KBTBD12: variants seen among roughly 807,000 people sequenced by gnomAD.
The protein encoded by KBTBD12 is kelch repeat and BTB domain-containing protein 12.
Under a neutral mutation model 58.7 loss-of-function variants are expected in KBTBD12, and 53 were observed. The ratio of observed to expected loss-of-function variants is 0.90; its 90% CI spans 0.72 to 1.14. The LOEUF (loss-of-function observed/expected upper bound fraction) is 1.14, where lower values mean the gene tolerates loss of function less well. Among genes scored for constraint, KBTBD12 ranks in the 50% most tolerant of loss-of-function variants. The probability of loss-of-function intolerance (pLI) is 0.00; values close to 1 mark genes in which losing one functional copy is unlikely to be tolerated. For synonymous variants in KBTBD12, 236 were observed against 259.8 expected, an observed-to-expected ratio of 0.91 and a Z score of 0.88; for missense variants, 704 against 751.3, an observed-to-expected ratio of 0.94 and a Z score of 0.74.
Position 127,963,381 on chromosome 3 carries a change from G to C in KBTBD12, c.1685G>C (p.Gly562Ala). The C allele has an allele frequency of 6.2e-7, 1 of 1,606,438 alleles. No homozygotes were observed. The highest frequency in any genetic ancestry group is 2.2e-5 in the East Asian group (1 of 44,688). ...GKLYVCGGFH[G>A]ADRHEVISKE... ...CTCTATGTCTGCGGGGGATTCCATG[G>C]AGCAGGTATGGGTCCAGTTTTAAAC... is the stretch of plus-strand genomic sequence containing the variant. Residue 562 changes from glycine (G) to alanine (A), a missense_variant, in exon 5 of 6, where the codon GGA (glycine) becomes GCA (alanine). By Grantham distance (60) the Gly-to-Ala change is moderately conservative (BLOSUM62 0). Coordinates refer to ENST00000405109, the MANE Select transcript of KBTBD12 (RefSeq NM_207335.4).
At chr3:127,915,863 C>A (rs1397812087) in intron 1 of KBTBD12, among the ~76,000 whole-genome samples, 1 of 152,206 alleles carries the variant, frequency 6.6e-6, no homozygotes. Context: ...ATTACCTGAC[C>A]AATGTATTAT....
rs181181535 is a variant in KBTBD12 at position 127,982,455 on chromosome 3, T to G, written c.1691-1642T>G. Among the ~76,000 whole-genome samples the G allele has an allele frequency of 2.6e-3, 393 of 152,144 alleles. 3 individuals are homozygous for G. The highest frequency in any genetic ancestry group is 8.9e-3 in the African/African-American group (370 of 41,512). ...CAGGCACCAGGCAACTAGAGACCAC[T>G]CCTGTCCCCACACCCACTGAAATTA... On this transcript the variant is annotated intron_variant, in intron 5 of 5. Transcript: ENST00000405109.
intron 4 of KBTBD12, among the ~76,000 whole-genome samples, chr3:127,958,046 G>A (rs1284008645): frequency 2.6e-5 from 4 of 152,176 alleles, no homozygotes; most frequent in Admixed American, 2.6e-4. Context: ...ATCAGCCCAA[G>A]CCTAGGCCTA....
chr3:127,970,632 T>G (rs889435095), intron 5 of KBTBD12, among the ~76,000 whole-genome samples: 1 of 152,246 alleles, frequency 6.6e-6, no homozygotes, highest in Non-Finnish European at 1.5e-5. Flanking sequence ...TAACAGTTGC[T>G]ACAACATAGA....
At chr3:127,941,441 G>A (rs998474910) in intron 4 of KBTBD12, among the ~76,000 whole-genome samples, 2 of 152,066 alleles carry the variant, frequency 1.3e-5, no homozygotes, top group Admixed American at 6.5e-5. Flanking sequence ...CACATCAATT[G>A]ATGCCTAAAA....
At chr3:127,934,492 A>G (rs1023655563) in intron 4 of KBTBD12, among the ~76,000 whole-genome samples, 1 of 152,170 alleles carries the variant, frequency 6.6e-6, no homozygotes, top group Admixed American at 6.5e-5. Context: ...GAATCCCAAA[A>G]GGAAATGAGA....
chr3:127,933,377 A>G (rs976452553), intron 4 of KBTBD12, among the ~76,000 whole-genome samples: 2 of 152,118 alleles, frequency 1.3e-5, no homozygotes, highest in African/African-American at 2.4e-5. Context: ...TGGAAAAACC[A>G]CACTCACAGT....
intron 4 of KBTBD12, among the ~76,000 whole-genome samples, chr3:127,951,001 C>A (rs1335525740): frequency 6.6e-6 from 1 of 152,096 alleles, no homozygotes; most frequent in Non-Finnish European, 1.5e-5. Flanking sequence ...GCACTCTAAC[C>A]TGGGCAACGA....
intron 4 of KBTBD12, among the ~76,000 whole-genome samples, chr3:127,946,450 A>G (rs1409418381): frequency 1.3e-5 from 2 of 152,160 alleles, no homozygotes; most frequent in African/African-American, 4.8e-5. Context: ...ATGTCAGTCT[A>G]TTTCATCTGG....
chr3:127,941,675 C>G (rs1256798774), intron 4 of KBTBD12, among the ~76,000 whole-genome samples: 3 of 152,194 alleles, frequency 2.0e-5, no homozygotes, highest in Non-Finnish European at 4.4e-5. Flanking sequence ...CAACCTCCAT[C>G]TCCCAGACGG....
intron 1 of KBTBD12, among the ~76,000 whole-genome samples, chr3:127,919,034 C>G (rs564328442): frequency 3.6e-4 from 55 of 152,172 alleles, no homozygotes; most frequent in Non-Finnish European, 6.9e-4. Context: ...GTTGATGTTC[C>G]TTGGATTGCC....
At chr3:127,918,524 A>T (rs1939312957) in intron 1 of KBTBD12, among the ~76,000 whole-genome samples, 1 of 152,122 alleles carries the variant, frequency 6.6e-6, no homozygotes, top group Non-Finnish European at 1.5e-5. Context: ...CATCCTGGCT[A>T]ACACGGTGAA....
At chr3:127,921,936 T>C (rs1166415613) in intron 1 of KBTBD12, among the ~76,000 whole-genome samples, 2 of 152,148 alleles carry the variant, frequency 1.3e-5, no homozygotes, top group African/African-American at 2.4e-5. Context: ...ATCTTACTCA[T>C]AATCTAGAAA....
intron 4 of KBTBD12, among the ~76,000 whole-genome samples, chr3:127,960,538 C>T (rs1261551177): frequency 6.6e-6 from 1 of 152,164 alleles, no homozygotes; most frequent in East Asian, 1.9e-4. Context: ...TGATCCTACC[C>T]CAAGACACCT....
intron 1 of KBTBD12, among the ~76,000 whole-genome samples, chr3:127,921,522 A>C (rs1202414473): frequency 6.6e-6 from 1 of 152,150 alleles, no homozygotes; most frequent in Non-Finnish European, 1.5e-5. Context: ...TATGTACAAG[A>C]AACAAAGCTG....
chr3:127,946,548 G>A (rs1940087633), intron 4 of KBTBD12, among the ~76,000 whole-genome samples: 1 of 152,154 alleles, frequency 6.6e-6, no homozygotes, highest in African/African-American at 2.4e-5. Flanking sequence ...GACTTCATGT[G>A]AGATTTTTCT....
Position 127,984,330 on chromosome 3 carries a change from C to A in KBTBD12, c.*52C>A. 2.7e-6 allele frequency: 4 copies of A among 1,500,852 alleles called. No homozygotes were observed. The highest frequency in any genetic ancestry group is 3.7e-6 in the Non-Finnish European group (4 of 1,090,290). The allele number at this position is 1,500,852 out of a possible 1,614,324, so 93.0% of individuals were successfully genotyped here. A position where few individuals can be genotyped will look rare whatever the true frequency, so the allele number is the denominator to read the frequency against. On this transcript the variant is annotated 3_prime_UTR_variant, in exon 6 of 6. Transcript: ENST00000405109. Reference sequence around the variant, plus strand: ...TGTTCTGCAAACAAGGCCTTCAGAACGGAGAGGGCCCACAGCATCTCTGTC... The same window carrying A: ...TGTTCTGCAAACAAGGCCTTCAGAAAGGAGAGGGCCCACAGCATCTCTGTC...
intron 4 of KBTBD12, among the ~76,000 whole-genome samples, chr3:127,959,614 G>A (rs554473893): frequency 6.6e-6 from 1 of 152,316 alleles, no homozygotes; most frequent in African/African-American, 2.4e-5. Flanking sequence ...TAACATTTGG[G>A]TGCCTCCTGC....
At chr3:127,960,653 A>G (rs1385457396) in intron 4 of KBTBD12, among the ~76,000 whole-genome samples, 1 of 152,230 alleles carries the variant, frequency 6.6e-6, no homozygotes, top group African/African-American at 2.4e-5. Flanking sequence ...GTTTAAGCTC[A>G]TTAAGTCTGC....
Sources: gnomAD v4.1 joint callset for allele counts (sites outside exome capture counted in the v4.1 genomes callset) on GRCh38, gnomAD v4.1.1 for gene constraint, MANE v1.5 for transcripts, NCBI Gene and HGNC (gene_info 2026-07-23, HGNC 2026-07-21) for gene names.